CDH13: variants seen among roughly 807,000 people sequenced by gnomAD.
CDH13 encodes the protein cadherin-13.
CDH13 carries 24 observed loss-of-function variants against 63.8 expected under a neutral mutation model. The observed-to-expected ratio is 0.38, with a 90% CI of 0.27 to 0.53. CDH13 has a LOEUF of 0.53. Ranked by LOEUF, CDH13 falls within the 20% of genes least tolerant of loss-of-function variation. The pLI is 0.85. For synonymous variants in CDH13, 503 were observed against 355.3 expected (o/e 1.42, Z -4.67); for missense variants, 1,049 against 903.1 (o/e 1.16, Z -2.07).
intron 1 of CDH13, among the ~76,000 whole-genome samples, chr16:82,793,842 G>A (rs2151142778): frequency 6.6e-6 from 1 of 152,324 alleles, no homozygotes; most frequent in East Asian, 1.9e-4. Context: ...GAAGCAGGAA[G>A]ATGGGAGTCT....
intron 10 of CDH13, among the ~76,000 whole-genome samples, chr16:83,720,762 T>C (rs544165893): frequency 4.9e-4 from 74 of 152,284 alleles, no homozygotes; most frequent in South Asian, 1.0e-3. Flanking sequence ...AGAAATGAAA[T>C]TGATGCAATC....
chr16:83,410,084 G>A lies in CDH13; in HGVS notation c.781+65078G>A, dbSNP rs1006094882. On this transcript the variant is annotated intron_variant, in intron 6 of 13. Transcript: ENST00000567109. ...TCCCTGAGAGTTCGGGTCCCTGAGAGTTGCAAGCACAAATCCTGTTAACAG... is the reference window on the plus strand; with the variant it reads ...TCCCTGAGAGTTCGGGTCCCTGAGAATTGCAAGCACAAATCCTGTTAACAG... 2.6e-5 allele frequency among the ~76,000 whole-genome samples: 4 copies of A among 152,200 alleles called. No homozygotes were observed. In the East Asian group the frequency reaches 5.8e-4, roughly 22 times the overall value.
chr16:82,887,234 G>A (rs917959177), intron 2 of CDH13, among the ~76,000 whole-genome samples: 1 of 152,096 alleles, frequency 6.6e-6, no homozygotes, highest in Non-Finnish European at 1.5e-5. Context: ...AGCTTTGCAG[G>A]CCAGCTGGCC....
chr16:82,736,841 C>G (rs2033698724), intron 1 of CDH13, among the ~76,000 whole-genome samples: 1 of 152,186 alleles, frequency 6.6e-6, no homozygotes, highest in Non-Finnish European at 1.5e-5. Context: ...GGTTCCCACA[C>G]CTGGTCAGAT....
At position 82,843,181 on chromosome 16, in the gene CDH13, C is replaced by G. The variant is rs761927163; in HGVS notation, c.46-15181C>G. 3.3e-5 allele frequency among the ~76,000 whole-genome samples: 5 copies of G among 152,280 alleles called. No individual in the cohort carries two copies. The South Asian group carries it at 6.2e-4, about 19-fold the overall frequency. On this transcript the variant is annotated intron_variant, in intron 1 of 13. Coordinates refer to ENST00000567109, the MANE Select transcript of CDH13 (RefSeq NM_001257.5). ...GCATGTCAGTCTTTCCTATAATGTT[C>G]TGTGTTTCTTGAAGATAGGGACCTT...
At chr16:82,985,771 G>A (rs1024698424) in intron 2 of CDH13, among the ~76,000 whole-genome samples, 1 of 152,136 alleles carries the variant, frequency 6.6e-6, no homozygotes, top group African/African-American at 2.4e-5. Flanking sequence ...ACTGGAGCAT[G>A]GGGACAGATT....
chr16:83,447,066 A>G (rs1364688973), intron 6 of CDH13, among the ~76,000 whole-genome samples: 1 of 140,734 alleles, frequency 7.1e-6, no homozygotes, highest in African/African-American at 2.6e-5. Context: ...AAAAAAAAAA[A>G]AAAAAAAACA....
intron 1 of CDH13, among the ~76,000 whole-genome samples, chr16:82,770,768 C>T (rs528225712): frequency 8.5e-5 from 13 of 152,222 alleles, no homozygotes; most frequent in East Asian, 1.9e-4. Flanking sequence ...AGTGCAGTGG[C>T]GTGATCTCGG....
chr16:82,761,017 C>CTTTTTTTTTTCTTTTTTTTTTTT (rs2034821443), intron 1 of CDH13, among the ~76,000 whole-genome samples: 1 of 40,452 alleles, frequency 2.5e-5, no homozygotes, highest in Middle Eastern at 0.019. Context: ...TTCTTTCTTT[C>CTTTTTTTTTTCTTTTTTTTTTTT]TTTTTTTTTT....
chr16:83,694,115 A>G (rs1289597938), intron 10 of CDH13, among the ~76,000 whole-genome samples: 2 of 152,238 alleles, frequency 1.3e-5, no homozygotes, highest in Non-Finnish European at 2.9e-5. Flanking sequence ...CACAGAATGG[A>G]TAGAAAACCA....
At chr16:83,074,826 C>G (rs947645273) in intron 3 of CDH13, among the ~76,000 whole-genome samples, 3 of 152,186 alleles carry the variant, frequency 2.0e-5, no homozygotes, top group African/African-American at 7.2e-5. Flanking sequence ...CATATTTTAC[C>G]TCAGGTCTTC....
At chr16:83,426,644 G>T (rs1358938410) in intron 6 of CDH13, among the ~76,000 whole-genome samples, 2 of 152,094 alleles carry the variant, frequency 1.3e-5, no homozygotes, top group Non-Finnish European at 2.9e-5. Flanking sequence ...AACATGGACT[G>T]CTGTGCACCA....
intron 11 of CDH13, among the ~76,000 whole-genome samples, chr16:83,765,723 A>G (rs1041170748): frequency 6.6e-6 from 1 of 152,222 alleles, no homozygotes; most frequent in African/African-American, 2.4e-5. Flanking sequence ...AAGAGAACAC[A>G]AAGTATAAAA....
intron 2 of CDH13, among the ~76,000 whole-genome samples, chr16:82,965,236 C>G (rs1231181278): frequency 6.6e-6 from 1 of 152,136 alleles, no homozygotes; most frequent in Non-Finnish European, 1.5e-5. Context: ...TTTACTAATA[C>G]TTTGCTTCTT....
intron 3 of CDH13, among the ~76,000 whole-genome samples, chr16:83,089,417 C>G (rs4133123): frequency 0.15 from 22,679 of 152,232 alleles, 2,148 homozygotes; most frequent in African/African-American, 0.27. Context: ...CAATAGTGAA[C>G]GAAAAACTTG....
intron 3 of CDH13, among the ~76,000 whole-genome samples, chr16:83,058,908 T>C (rs1009529379): frequency 1.3e-5 from 2 of 151,082 alleles, no homozygotes; most frequent in African/African-American, 2.5e-5. Context: ...GCTTTGCTTT[T>C]TTTAATCTTC....
chr16:83,272,331 TA>T (rs2088849587), intron 5 of CDH13, among the ~76,000 whole-genome samples: 1 of 152,216 alleles, frequency 6.6e-6, no homozygotes, highest in East Asian at 1.9e-4. Flanking sequence ...TCTTGCTACA[TA>T]AAGAGTTAAA....
At chr16:82,649,755 G>C (rs74030925) in intron 1 of CDH13, among the ~76,000 whole-genome samples, 5 of 152,254 alleles carry the variant, frequency 3.3e-5, no homozygotes, top group Admixed American at 1.3e-4. Flanking sequence ...AGAAATTACT[G>C]GTTAAGAACA....
chr16:83,448,069 A>C (rs2072765303), intron 6 of CDH13, among the ~76,000 whole-genome samples: 1 of 152,202 alleles, frequency 6.6e-6, no homozygotes, highest in Non-Finnish European at 1.5e-5. Context: ...TTTAGCTGAG[A>C]TAGGGGTAAA....
Sources: allele counts gnomAD v4.1 joint callset (sites outside exome capture counted in the v4.1 genomes callset), GRCh38; gene constraint gnomAD v4.1.1; transcripts MANE v1.5; gene names NCBI Gene and HGNC (gene_info 2026-07-23, HGNC 2026-07-21).